SOCS5: variants seen among roughly 807,000 people sequenced by gnomAD.
The protein encoded by SOCS5 is CIS-6.
Under a neutral mutation model 42.8 loss-of-function variants are expected in SOCS5, and 32 were observed. That is an observed-to-expected ratio of 0.75 (90% CI 0.56 to 1.01). The LOEUF (loss-of-function observed/expected upper bound fraction) is 1.01. Among genes scored for constraint, SOCS5 ranks in the 50% least tolerant of loss-of-function variants. SOCS5 has a pLI of 0.00. For missense variants in SOCS5, 627 were observed against 653.0 expected (o/e 0.96, Z 0.43); for synonymous variants, 283 against 229.6 (o/e 1.23, Z -2.10).
chr2:46,701,359 T>A (rs1375404547), intron 1 of SOCS5, among the ~76,000 whole-genome samples: 2 of 152,152 alleles, frequency 1.3e-5, no homozygotes, highest in Non-Finnish European at 2.9e-5. Flanking sequence ...GGAAAAAAGA[T>A]GTATGTGTAT....
chr2:46,724,105 C>G (rs576146920), intron 1 of SOCS5, among the ~76,000 whole-genome samples: 5 of 151,880 alleles, frequency 3.3e-5, no homozygotes, highest in Non-Finnish European at 5.9e-5. Flanking sequence ...TGACCTGTAT[C>G]CTGTGACCTT....
intron 1 of SOCS5, among the ~76,000 whole-genome samples, chr2:46,722,411 T>G (rs1672904606): frequency 6.6e-6 from 1 of 152,154 alleles, no homozygotes; most frequent in South Asian, 2.1e-4. Context: ...GAGGTATATG[T>G]AGGCCAGTAG....
intron 1 of SOCS5, among the ~76,000 whole-genome samples, chr2:46,730,920 G>A (rs966218792): frequency 6.6e-6 from 1 of 152,096 alleles, no homozygotes; most frequent in African/African-American, 2.4e-5. Flanking sequence ...GTTTAAGTCC[G>A]AGCTCTCCTT....
At chr2:46,757,640 G>A (rs1240548633) in intron 1 of SOCS5, among the ~76,000 whole-genome samples, 1 of 152,160 alleles carries the variant, frequency 6.6e-6, no homozygotes, top group Non-Finnish European at 1.5e-5. Flanking sequence ...GCCGAGGCCA[G>A]TGGATCACCT....
At chr2:46,699,163 C>T (rs1672282548), upstream of SOCS5, 1 of 153,966 alleles carries the variant, frequency 6.5e-6, no homozygotes. This position sits in a 1 kb window ranked among gnomAD's most constrained non-coding sequence, Gnocchi z 4.8. Context: ...GCCCCCCGCC[C>T]CGGGAGGTAT....
rs189844700 is a variant in SOCS5 at position 46,757,112 on chromosome 2, G to A, written c.-12-1407G>A. ...AATTTTCTGTGTTGTGTTTCCATTA[G>A]TCCAAGAGCCTTTTCTGTGAGAAAC... On this transcript the variant is annotated intron_variant, in intron 1 of 1. Coordinates refer to ENST00000394861, the MANE Select transcript of SOCS5 (RefSeq NM_144949.3). 3.4e-4 allele frequency among the ~76,000 whole-genome samples: 51 copies of A among 152,210 alleles called. No individual in the cohort carries two copies. The East Asian group carries it at 7.3e-3, about 22-fold the overall frequency.
Position 46,758,507 on chromosome 2 carries a change from T to C in SOCS5, c.-12-12T>C. ...TTAATTTATTTTTCTCTTTTTGCTG[T>C]TTTGTCTTTAGATTTTATAATCAAT... On this transcript the variant is annotated splice_polypyrimidine_tract_variant and intron_variant, in intron 1 of 1. Coordinates refer to ENST00000394861, the MANE Select transcript of SOCS5 (RefSeq NM_144949.3). The C allele has an allele frequency of 6.5e-7, 1 of 1,545,830 alleles. No homozygotes were observed.
intron 1 of SOCS5, among the ~76,000 whole-genome samples, chr2:46,720,118 A>T (rs151037860): frequency 1.4e-3 from 213 of 152,298 alleles, no homozygotes; most frequent in African/African-American, 4.6e-3. Context: ...CAATGTTCTC[A>T]TCATTAAAAC....
chr2:46,729,217 C>T (rs1673059432), intron 1 of SOCS5, among the ~76,000 whole-genome samples: 1 of 152,170 alleles, frequency 6.6e-6, no homozygotes, highest in African/African-American at 2.4e-5. Context: ...TTTTTACTAA[C>T]ATCACTGACA....
chr2:46,738,539 G>A (rs925122682), intron 1 of SOCS5, among the ~76,000 whole-genome samples: 2 of 152,190 alleles, frequency 1.3e-5, no homozygotes, highest in Admixed American at 6.5e-5. Flanking sequence ...TTTGAGGTCC[G>A]ATGGAGAATA....
intron 1 of SOCS5, among the ~76,000 whole-genome samples, chr2:46,700,369 A>G (rs1040175893): frequency 2.6e-5 from 4 of 152,226 alleles, no homozygotes; most frequent in Non-Finnish European, 4.4e-5. Context: ...GGAAATTATC[A>G]TAACTACACC....
At position 46,721,492 on chromosome 2, in the gene SOCS5, A is replaced by G. The variant is rs182398259; in HGVS notation, c.-13+22043A>G. 3.3e-5 allele frequency among the ~76,000 whole-genome samples: 5 copies of G among 152,330 alleles called. No homozygotes were observed. The East Asian group carries it at 5.8e-4, about 18-fold the overall frequency. On this transcript the variant is annotated intron_variant, in intron 1 of 1. Transcript: ENST00000394861. ...GAAAACATGAAGAGCTGGATTTGCT[A>G]CTTAAAGCTCATATCCTCAGAAGGT...
intron 1 of SOCS5, among the ~76,000 whole-genome samples, chr2:46,721,330 C>T (rs1672880228): frequency 6.6e-6 from 1 of 152,054 alleles, no homozygotes; most frequent in African/African-American, 2.4e-5. Context: ...CTCTGAGGCC[C>T]TGTATCATTT....
intron 1 of SOCS5, among the ~76,000 whole-genome samples, chr2:46,753,931 C>T (rs947323386): frequency 3.9e-5 from 6 of 152,134 alleles, no homozygotes; most frequent in Non-Finnish European, 7.4e-5. Context: ...CCAGAGGTCA[C>T]TTCGGTTGTC....
chr2:46,713,462 T>C (rs564991734), intron 1 of SOCS5, among the ~76,000 whole-genome samples: 6 of 152,374 alleles, frequency 3.9e-5, no homozygotes, highest in East Asian at 1.9e-4. Context: ...AAATAAATTA[T>C]AAATTTTATG....
In SOCS5 at chr2:46,761,856, CAG is replaced by C. The variant is rs1173901007; in HGVS notation, c.*1717_*1718del. On this transcript the variant is annotated 3_prime_UTR_variant, in exon 2 of 2. Coordinates refer to ENST00000394861, the MANE Select transcript of SOCS5 (RefSeq NM_144949.3). Reference sequence around the variant, plus strand: ...AATTACTGTACAGTTTAGGTTATAACAGAAAACTGACAGAGAAGTAATAAACC... The same window carrying C: ...AATTACTGTACAGTTTAGGTTATAACAAAACTGACAGAGAAGTAATAAACC... The C allele has an allele frequency of 1.2e-5, 2 of 166,778 alleles. No individual in the cohort carries two copies. The highest frequency in any genetic ancestry group is 4.8e-5 in the African/African-American group (2 of 41,424). The allele number at this position is 166,778 out of a possible 1,614,324, so 10.3% of individuals were successfully genotyped here.
At chr2:46,727,981 C>G (rs1443327557) in intron 1 of SOCS5, among the ~76,000 whole-genome samples, 1 of 152,156 alleles carries the variant, frequency 6.6e-6, no homozygotes, top group African/African-American at 2.4e-5. Context: ...TCTCTTGAAA[C>G]AACAGCTTCT....
chr2:46,759,670 CTGT>C lies in SOCS5; in HGVS notation c.1142_1144del (p.Cys381del). ...ATTTGCTTCAAATTACAGGGAATCC[CTGT>C]TACTGGGGAGTGATGGACCGTTATG... On this transcript the variant is annotated inframe_deletion, in exon 2 of 2. Coordinates refer to ENST00000394861, the MANE Select transcript of SOCS5 (RefSeq NM_144949.3). 6.2e-7 allele frequency: 1 copy of C among 1,614,074 alleles called. No homozygotes were observed. The highest frequency in any genetic ancestry group is 1.3e-5 in the African/African-American group (1 of 75,010).
At chr2:46,746,155 C>G (rs902641805) in intron 1 of SOCS5, among the ~76,000 whole-genome samples, 4 of 151,870 alleles carry the variant, frequency 2.6e-5, no homozygotes, top group Admixed American at 1.3e-4. Flanking sequence ...GCATCTGATT[C>G]ATCCATGCAA....
Sources: allele counts gnomAD v4.1 joint callset (sites outside exome capture counted in the v4.1 genomes callset), GRCh38; gene constraint gnomAD v4.1.1; non-coding constraint Gnocchi (gnomAD v3.1); transcripts MANE v1.5; gene names NCBI Gene and HGNC (gene_info 2026-07-23, HGNC 2026-07-21).